Variants in TOP1MT observed in about 807,000 individuals in gnomAD.
The protein encoded by TOP1MT is DNA topoisomerase I, mitochondrial.
TOP1MT carries 80 observed loss-of-function variants against 73.9 expected under a neutral mutation model. The observed-to-expected ratio is 1.08, with a 90% confidence interval of 0.90 to 1.30. TOP1MT has a LOEUF of 1.30. Among genes scored for constraint, TOP1MT ranks in the 50% most tolerant of loss-of-function variants. TOP1MT has a pLI of 0.00. For synonymous variants in TOP1MT, 338 were observed against 326.4 expected, an observed-to-expected ratio of 1.04 and a Z score of -0.38; for missense variants, 815 against 808.0, an observed-to-expected ratio of 1.01 and a Z score of -0.10.
upstream of TOP1MT, among the ~76,000 whole-genome samples, chr8:143,349,629 T>C (rs1817287611): frequency 7.4e-6 from 1 of 135,254 alleles, no homozygotes; most frequent in Non-Finnish European, 1.5e-5. Context: ...GTTTAGAGAT[T>C]CATCTGTACA....
At chr8:143,336,938 A>T (rs887545872), upstream of TOP1MT, among the ~76,000 whole-genome samples, 6 of 152,266 alleles carry the variant, frequency 3.9e-5, no homozygotes, top group African/African-American at 1.4e-4. Flanking sequence ...ACCAGTAGCC[A>T]TACGCAAACT....
At chr8:143,321,863 C>CCA (rs1816410464) in intron 7 of TOP1MT, among the ~76,000 whole-genome samples, 1 of 69,404 alleles carries the variant, frequency 1.4e-5, no homozygotes, top group Non-Finnish European at 2.9e-5. Context: ...CACACGCATG[C>CCA]CACACGCACA....
At chr8:143,321,599 G>A (rs1210284612) in intron 7 of TOP1MT, among the ~76,000 whole-genome samples, 1 of 93,290 alleles carries the variant, frequency 1.1e-5, no homozygotes, top group Non-Finnish European at 2.0e-5. Context: ...ACGCACGCAC[G>A]CCACACGCAC....
chr8:143,317,659 G>A lies in TOP1MT; in HGVS notation c.1330+64C>T, dbSNP rs530124942. 9 of 1,449,068 alleles carry A rather than the reference G, an allele frequency of 6.2e-6. No individual in the cohort carries two copies. In the South Asian group the frequency reaches 1.1e-4, roughly 17 times the overall value. 89.8% of individuals were successfully genotyped at this position (1,449,068 alleles called of 1,614,324 possible). ...GCTCACTCAACAAGGGCCAGCCGGG[G>A]AGCCCGGTCTGGGGCAGGGGCCGTG... is the stretch of plus-strand genomic sequence containing the variant. On this transcript the variant is annotated intron_variant, in intron 10 of 13. Transcript: ENST00000329245.
Position 143,317,832 on chromosome 8 carries a change from G to T in TOP1MT, c.1221C>A (p.Thr407=). Residue 407 remains threonine (T), a synonymous_variant, in exon 10 of 14, where the codon ACC becomes ACA. Coordinates refer to ENST00000329245, the MANE Select transcript of TOP1MT (RefSeq NM_052963.3). ...GCTCCTGGAGGTGCTTGTTCAGGCTGGTCGTCTGGGGAGGAAAATGGTCTC... is the reference window on the plus strand; with the variant it reads ...GCTCCTGGAGGTGCTTGTTCAGGCTTGTCGTCTGGGGAGGAAAATGGTCTC... ...RDDLFDRLTT[T]SLNKHLQELM... 1 of 1,614,108 alleles carries T rather than the reference G, an allele frequency of 6.2e-7. No homozygotes were observed. The highest frequency in any genetic ancestry group is 8.5e-7 in the Non-Finnish European group (1 of 1,179,978).
At chr8:143,329,082 C>A (rs1449532921) in intron 3 of TOP1MT, among the ~76,000 whole-genome samples, 2 of 152,168 alleles carry the variant, frequency 1.3e-5, no homozygotes, top group Admixed American at 6.5e-5. Flanking sequence ...CCTCCACATC[C>A]ACAGCCTGCC....
At chr8:143,350,153 C>T (rs544987623) in intron 1 of TOP1MT, 24 of 152,168 alleles carry the variant, frequency 1.6e-4, no homozygotes, top group Non-Finnish European at 1.2e-4. Flanking sequence ...CAAACTCTTC[C>T]GTTAAAGACC....
At position 143,321,336 on chromosome 8, in the gene TOP1MT, G is replaced by A. The variant is rs565697089; in HGVS notation, c.1011C>T (p.Thr337=). 4.4e-6 allele frequency: 7 copies of A among 1,601,482 alleles called. No individual in the cohort carries two copies. The Admixed American group carries it at 5.0e-5, about 12-fold the overall frequency. ...CCACGCGGAGGGAACAGCAGCCCAC[G>A]GTGTCGGCCGCCTCACCGTCCTCCT... ...NEKEDGEAAD[T]VGCCSLRVEH... The change falls in exon 8 of 14, where the codon ACC becomes ACT. Residue 337 remains threonine, a synonymous_variant. Coordinates refer to ENST00000329245, the MANE Select transcript of TOP1MT (RefSeq NM_052963.3).
At position 143,323,551 on chromosome 8, in the gene TOP1MT, CGCACGCCACACACAT is replaced by C. The variant is rs1424467883; in HGVS notation, c.960+433_960+447del. Among the ~76,000 whole-genome samples the C allele has an allele frequency of 2.5e-4, 13 of 53,000 alleles. 1 individual carries two copies. The highest frequency in any genetic ancestry group is 6.2e-4 in the African/African-American group (13 of 20,856). 34.8% of individuals were successfully genotyped at this position (53,000 alleles called of 152,430 possible). A position where few individuals can be genotyped will look rare whatever the true frequency, so the allele number is the denominator to read the frequency against. Reference sequence around the variant, plus strand: ...ACGCCACACACATGCTCACCACACACGCACGCCACACACATGCACGCCACACACACAGGCACGCCA... The same window carrying C: ...ACGCCACACACATGCTCACCACACACGCACGCCACACACACAGGCACGCCA... On this transcript the variant is annotated intron_variant, in intron 7 of 13. Transcript: ENST00000329245.
At chr8:143,323,740 CA>C (rs1816619003) in intron 7 of TOP1MT, among the ~76,000 whole-genome samples, 1 of 51,266 alleles carries the variant, frequency 2.0e-5, no homozygotes, top group Non-Finnish European at 4.0e-5. Context: ...ACATGCACGC[CA>C]CACACATGCA....
At chr8:143,336,591 GGCAA>G (rs747738185), upstream of TOP1MT, among the ~76,000 whole-genome samples, 13 of 152,048 alleles carry the variant, frequency 8.5e-5, no homozygotes, top group Non-Finnish European at 1.6e-4. Flanking sequence ...TGAGCAAACA[GGCAA>G]GCAGATGAAA....
At chr8:143,350,671 T>C (rs1242855433) in intron 1 of TOP1MT, among the ~76,000 whole-genome samples, 1 of 152,228 alleles carries the variant, frequency 6.6e-6, no homozygotes, top group Non-Finnish European at 1.5e-5. Flanking sequence ...TATTATCGAA[T>C]ATCCACGGAG....
intron 10 of TOP1MT, among the ~76,000 whole-genome samples, chr8:143,316,608 T>C (rs12678732): frequency 0.073 from 348 of 4,768 alleles, 65 homozygotes; most frequent in Middle Eastern, 0.5. Context: ...CCCCAGCACC[T>C]GGCTTCCCCT....
chr8:143,316,212 A>G lies in TOP1MT; in HGVS notation c.1331-86T>C, dbSNP rs556668908. ...CTGAGCCGGCCTTAACGCGCCACAC[A>G]GCGCAGCCCCTTCCACTCACACAGG... On this transcript the variant is annotated intron_variant, in intron 10 of 13. Transcript: ENST00000329245. 5 of 1,592,602 alleles carry G rather than the reference A, an allele frequency of 3.1e-6. No homozygotes were observed. In the Admixed American group the frequency reaches 6.7e-5, roughly 21 times the overall value.
At chr8:143,325,726 T>C (rs967343515) in intron 4 of TOP1MT, among the ~76,000 whole-genome samples, 193 bp from the exon 5 acceptor site, 1 of 151,986 alleles carries the variant, frequency 6.6e-6, no homozygotes, top group Non-Finnish European at 1.5e-5. Context: ...CCGAGAGCCA[T>C]GGCCTAACCA....
rs973089219 is a variant in TOP1MT, at chr8:143,321,189, G to C, written c.1146+12C>G. On this transcript the variant is annotated intron_variant, in intron 8 of 13. Coordinates refer to ENST00000329245, the MANE Select transcript of TOP1MT (RefSeq NM_052963.3). ...GTCACATAGCGGGGGCAGCTGGCGC[G>C]AGGGCACTCACCGGCTTCTCCACCG... 4.4e-6 allele frequency: 7 copies of C among 1,578,658 alleles called. No homozygotes were observed. The highest frequency in any genetic ancestry group is 6.0e-6 in the Non-Finnish European group (7 of 1,157,992).
upstream of TOP1MT, among the ~76,000 whole-genome samples, chr8:143,347,688 G>GCAGGCAGGCAGC (rs892109676): frequency 2.7e-5 from 4 of 149,986 alleles, no homozygotes; most frequent in African/African-American, 7.4e-5. Context: ...CAGCAGGCAG[G>GCAGGCAGGCAGC]CAGCCAGCCA....
rs571427712 is a variant in TOP1MT at position 143,319,694 on chromosome 8, G to A, written c.1146+1507C>T. On this transcript the variant is annotated intron_variant, in intron 8 of 13. Coordinates refer to ENST00000329245, the MANE Select transcript of TOP1MT (RefSeq NM_052963.3). ...GGGCATCTATGCTGGTGGAGCTAGG[G>A]GCTGTGGGGGTGGTGGGCAGCCACT... Among the ~76,000 whole-genome samples the A allele has an allele frequency of 5.4e-4, 83 of 152,304 alleles. No individual in the cohort carries two copies. In the Middle Eastern group the frequency reaches 0.017, roughly 31 times the overall value.
chr8:143,324,191 T>C, intron 6 of TOP1MT, 49 bp from the exon 7 acceptor site: 1 of 1,603,492 alleles, frequency 6.2e-7, no homozygotes, highest in Non-Finnish European at 8.5e-7. Context: ...TCCTGTTAAA[T>C]AACGGAGGAG....
Sources: allele counts gnomAD v4.1 joint callset (sites outside exome capture counted in the v4.1 genomes callset), GRCh38; gene constraint gnomAD v4.1.1; transcripts MANE v1.5; gene names NCBI Gene and HGNC (gene_info 2026-07-23, HGNC 2026-07-21).